Variants in CELF2 observed in about 807,000 individuals in gnomAD.
CELF2 encodes CUG triplet repeat RNA-binding protein 2.
In CELF2, 8 loss-of-function variants were observed where a neutral mutation model predicts 62.6. That is an observed-to-expected ratio of 0.13 (90% CI 0.07 to 0.23). CELF2 has a LOEUF of 0.23. Ranked by LOEUF, CELF2 falls within the 10% of genes least tolerant of loss-of-function variation. CELF2 has a pLI of 1.00. For synonymous variants in CELF2, 258 were observed against 250.0 expected (o/e 1.03, Z -0.30); for missense variants, 333 against 671.0 (o/e 0.50, Z 5.56).
chr10:11,291,040 G>A (rs1256168058), intron 9 of CELF2, among the ~76,000 whole-genome samples: 1 of 152,100 alleles, frequency 6.6e-6, no homozygotes, highest in Non-Finnish European at 1.5e-5. Context: ...AGATAAAAGG[G>A]GTTGAAAGCC....
the CELF2 span, among the ~76,000 whole-genome samples, chr10:10,616,527 T>A: frequency 8.5e-5 from 13 of 152,048 alleles, no homozygotes; most frequent in South Asian, 2.5e-3. Flanking sequence ...ATAAATGGGA[T>A]TCTATAGAAA....
At chr10:11,162,567 G>C (rs2133221091) in intron 1 of CELF2, among the ~76,000 whole-genome samples, 1 of 150,798 alleles carries the variant, frequency 6.6e-6, no homozygotes, top group East Asian at 2.0e-4. Context: ...CACACTATGT[G>C]ACTGAGTAAA....
In CELF2 at chr10:11,054,507, G is replaced by A. The variant is rs2773478; in HGVS notation, c.74+36344G>A. 5.0e-3 allele frequency among the ~76,000 whole-genome samples: 763 copies of A among 151,266 alleles called. 3 individuals are homozygous for A. The highest frequency in any genetic ancestry group is 0.016 in the African/African-American group (652 of 41,018). On this transcript the variant is annotated intron_variant, in intron 1 of 12. Transcript: ENST00000633077. ...TGTGTGTTTGTGTGTGTGTGTGTGT[G>A]TGTGTGTGTGTGTGTTAATAGGACC... is the stretch of plus-strand genomic sequence containing the variant.
Position 11,260,770 on chromosome 10 carries a change from A to C in CELF2, c.538+2898A>C, listed in dbSNP as rs572284309. Among the ~76,000 whole-genome samples, 69 of 152,242 alleles carry C rather than the reference A, an allele frequency of 4.5e-4. No homozygotes were observed. The highest frequency in any genetic ancestry group is 9.4e-4 in the Non-Finnish European group (64 of 68,044). Reference sequence around the variant, plus strand: ...TCATTTATAACCATTTATCCTGAGAACTGAAGACAGACAGTGGTACTTTTT... The same window carrying C: ...TCATTTATAACCATTTATCCTGAGACCTGAAGACAGACAGTGGTACTTTTT... On this transcript the variant is annotated intron_variant, in intron 5 of 12. Transcript: ENST00000633077. The surrounding 1 kb of genome is among the most constrained non-coding windows in gnomAD (Gnocchi z 4.2).
At chr10:11,273,980 C>A (rs538490697) in intron 7 of CELF2, among the ~76,000 whole-genome samples, 16 of 141,620 alleles carry the variant, frequency 1.1e-4, no homozygotes, top group East Asian at 6.2e-4. Context: ...CCCCCCCCCC[C>A]ACCTTGGCCT....
At chr10:10,598,874 T>A in the CELF2 span, among the ~76,000 whole-genome samples, 2 of 143,036 alleles carry the variant, frequency 1.4e-5, no homozygotes, top group East Asian at 4.7e-4. Context: ...TGCCTCAGCC[T>A]CCCCGGTAGC....
the CELF2 span, among the ~76,000 whole-genome samples, chr10:10,543,925 C>A: frequency 2.0e-5 from 3 of 152,294 alleles, no homozygotes; most frequent in South Asian, 6.2e-4. Flanking sequence ...GAAATGCATG[C>A]GCCCCTAATG....
intron 1 of CELF2, among the ~76,000 whole-genome samples, chr10:11,122,561 A>C (rs890279127): frequency 1.3e-5 from 2 of 152,296 alleles, no homozygotes; most frequent in Middle Eastern, 3.4e-3. Flanking sequence ...TTGAGGAAGT[A>C]AGCCCTTCAT....
chr10:11,022,247 G>T (rs904013325), intron 1 of CELF2, among the ~76,000 whole-genome samples: 10 of 152,220 alleles, frequency 6.6e-5, no homozygotes, highest in Non-Finnish European at 1.2e-4. Context: ...AACAGCACAT[G>T]TTATCAGCTG....
chr10:10,963,880 A>T lies in CELF2; in HGVS notation c.89+43881A>T, dbSNP rs1014641646. On this transcript the variant is annotated intron_variant, in intron 2 of 13. Transcript: ENST00000636488. ...CATTCCCATTCTAGTATACGCATCT[A>T]TGTCCTCAATGGAGATGCCTCAGGA... 5.9e-5 allele frequency among the ~76,000 whole-genome samples: 9 copies of T among 152,212 alleles called. No individual in the cohort carries two copies. The South Asian group carries it at 1.9e-3, about 32-fold the overall frequency.
intron 1 of CELF2, among the ~76,000 whole-genome samples, chr10:11,061,959 C>T (rs1486023552): frequency 6.6e-6 from 1 of 152,188 alleles, no homozygotes; most frequent in Non-Finnish European, 1.5e-5. Flanking sequence ...ACTATAGGCA[C>T]CTGCCACCAC....
chr10:10,942,597 A>T (rs1261606413), intron 2 of CELF2, among the ~76,000 whole-genome samples: 2 of 152,184 alleles, frequency 1.3e-5, no homozygotes, highest in African/African-American at 4.8e-5. Context: ...ACTTAATCTA[A>T]TGACATGCCA....
rs74824593 is a variant in CELF2, at chr10:11,043,748, C to T, written c.74+25585C>T. Reference sequence around the variant, plus strand: ...TCCTGCTGTGGCCACTGCTTTCTTACGCCCCAGACCGAGTACACATGTTTC... The same window carrying T: ...TCCTGCTGTGGCCACTGCTTTCTTATGCCCCAGACCGAGTACACATGTTTC... On this transcript the variant is annotated intron_variant, in intron 1 of 12. Transcript: ENST00000633077. 9.9e-3 allele frequency among the ~76,000 whole-genome samples: 1,507 copies of T among 152,268 alleles called. 25 individuals carry two copies. The highest frequency in any genetic ancestry group is 0.034 in the African/African-American group (1,395 of 41,544).
Position 11,075,918 on chromosome 10 carries a change from C to T in CELF2, c.74+57755C>T, listed in dbSNP as rs1420057623. 1.3e-5 allele frequency among the ~76,000 whole-genome samples: 2 copies of T among 152,074 alleles called. No individual in the cohort carries two copies. Among genetic ancestry groups the T allele is most frequent in the African/African-American group, 2.4e-5 (1 of 41,506 alleles). ...CATCAGTATCTCAGAATGAGTGAAACAAAAAGCTTTCCTTTTTCTTCCTGT... is the reference window on the plus strand; with the variant it reads ...CATCAGTATCTCAGAATGAGTGAAATAAAAAGCTTTCCTTTTTCTTCCTGT... On this transcript the variant is annotated intron_variant, in intron 1 of 12. Coordinates refer to ENST00000633077, the MANE Select transcript of CELF2 (RefSeq NM_001326342.2). The surrounding 1 kb of genome is among the most constrained non-coding windows in gnomAD (Gnocchi z 5.4).
the CELF2 span, among the ~76,000 whole-genome samples, chr10:10,686,313 G>C: frequency 2.9e-5 from 2 of 68,684 alleles, no homozygotes; most frequent in African/African-American, 6.1e-5. Flanking sequence ...GATTTTTTGG[G>C]GGGGGGGGTG....
the CELF2 span, among the ~76,000 whole-genome samples, chr10:10,619,357 G>C: frequency 1.3e-4 from 20 of 152,280 alleles, no homozygotes; most frequent in East Asian, 3.9e-3. Flanking sequence ...ATTTGTTAAA[G>C]TGCTCTCCCA....
intron 1 of CELF2, among the ~76,000 whole-genome samples, chr10:11,020,573 G>T (rs2058146814): frequency 6.6e-6 from 1 of 152,162 alleles, no homozygotes. Context: ...TTGCCATTTG[G>T]ACTAAATTGC....
At chr10:10,913,598 C>T (rs1457970748) in intron 1 of CELF2, among the ~76,000 whole-genome samples, 3 of 146,516 alleles carry the variant, frequency 2.0e-5, no homozygotes, top group African/African-American at 8.1e-5. Context: ...ACCATGTTGC[C>T]CAGGCTGGTC....
intron 1 of CELF2, among the ~76,000 whole-genome samples, chr10:10,833,955 T>C (rs1055351013): frequency 4.6e-5 from 7 of 152,214 alleles, no homozygotes; most frequent in African/African-American, 1.4e-4. Flanking sequence ...AGCAATCCCA[T>C]TCCTGGGTAT....
Sources: gnomAD v4.1 joint callset for allele counts (sites outside exome capture counted in the v4.1 genomes callset) on GRCh38, gnomAD v4.1.1 for gene constraint, Gnocchi (gnomAD v3.1) non-coding constraint, MANE v1.5 for transcripts, NCBI Gene and HGNC (gene_info 2026-07-23, HGNC 2026-07-21) for gene names.